WWOX: variants seen among roughly 807,000 people sequenced by gnomAD.
WWOX encodes the protein WW domain-containing oxidoreductase.
Under a neutral mutation model 46.2 loss-of-function variants are expected in WWOX, and 69 were observed. The observed-to-expected ratio is 1.49, with a 90% CI of 1.23 to 1.82. The LOEUF (loss-of-function observed/expected upper bound fraction) is 1.82, where lower values mean the gene tolerates loss of function less well. Among genes scored for constraint, WWOX ranks in the 40% most tolerant of loss-of-function variants. WWOX has a pLI of 0.00. For synonymous variants in WWOX, 359 were observed against 202.6 expected (o/e 1.77, Z -6.56); for missense variants, 919 against 542.6 (o/e 1.69, Z -6.89).
intron 8 of WWOX, among the ~76,000 whole-genome samples, chr16:78,912,028 C>T (rs759135531): frequency 1.3e-5 from 2 of 152,038 alleles, no homozygotes; most frequent in African/African-American, 4.8e-5. Context: ...GTATATTGGC[C>T]TCCAGGGCAA....
At chr16:78,990,303 G>A (rs934864209) in intron 8 of WWOX, among the ~76,000 whole-genome samples, 3 of 152,044 alleles carry the variant, frequency 2.0e-5, no homozygotes, top group African/African-American at 4.8e-5. Flanking sequence ...GCCTGACTGT[G>A]CATTGGTTCT....
chr16:78,156,177 G>C (rs573776933), intron 4 of WWOX, among the ~76,000 whole-genome samples: 1 of 152,224 alleles, frequency 6.6e-6, no homozygotes, highest in Non-Finnish European at 1.5e-5. Context: ...TTCTCTAAAG[G>C]AGAGAGGGTG....
intron 5 of WWOX, among the ~76,000 whole-genome samples, chr16:78,218,975 G>A (rs747736882): frequency 2.0e-5 from 3 of 152,244 alleles, no homozygotes; most frequent in Non-Finnish European, 4.4e-5. Context: ...TTAAATTGGT[G>A]AAATGTCACT....
At chr16:78,975,496 C>A (rs1046226240) in intron 8 of WWOX, among the ~76,000 whole-genome samples, 1 of 151,746 alleles carries the variant, frequency 6.6e-6, no homozygotes, top group East Asian at 1.9e-4. Context: ...CCCCCAGGAG[C>A]CTTTTGAGAT....
Position 79,211,992 on chromosome 16 carries a change from T to G in WWOX, c.*196T>G. 1 of 1,535,116 alleles carries G rather than the reference T, an allele frequency of 6.5e-7. No homozygotes were observed. ...AATTCCTGGGGTAAAGTATCACTTT[T>G]CTGGGGCTGGGCTAGGCATAGGTCT... On this transcript the variant is annotated 3_prime_UTR_variant, in exon 9 of 9. Transcript: ENST00000566780.
chr16:78,152,181 C>G (rs1424380029), intron 4 of WWOX, among the ~76,000 whole-genome samples: 4 of 142,200 alleles, frequency 2.8e-5, no homozygotes, highest in Non-Finnish European at 4.6e-5. Context: ...CAGAGCGAGA[C>G]TCCGTCTCAA....
chr16:78,230,463 A>G (rs374620162), intron 5 of WWOX, among the ~76,000 whole-genome samples: 93 of 152,228 alleles, frequency 6.1e-4, no homozygotes, highest in African/African-American at 2.2e-3. Flanking sequence ...AGTAGTTTTA[A>G]GCATGGGAAA....
intron 8 of WWOX, among the ~76,000 whole-genome samples, chr16:78,743,193 G>A (rs1238031571): frequency 6.6e-6 from 1 of 152,116 alleles, no homozygotes; most frequent in African/African-American, 2.4e-5. Flanking sequence ...GCTGGCAGAG[G>A]AGGCCACTCT....
intron 8 of WWOX, among the ~76,000 whole-genome samples, chr16:78,606,245 A>G (rs932413418): frequency 2.6e-5 from 4 of 152,208 alleles, no homozygotes; most frequent in Non-Finnish European, 4.4e-5. Flanking sequence ...CTCTCTTTGT[A>G]GTCTCTTTTT....
At position 78,700,180 on chromosome 16, in the gene WWOX, AT is replaced by A. The variant is rs111468224; in HGVS notation, c.1056+267441del. ...AGAATACCGTTGACTGGGTGGCTTG[AT>A]TTTTTTTTTTTTCTCCCAGTTCTGG... On this transcript the variant is annotated intron_variant, in intron 8 of 8. Coordinates refer to ENST00000566780, the MANE Select transcript of WWOX (RefSeq NM_016373.4). Among the ~76,000 whole-genome samples the A allele has an allele frequency of 2.2e-3, 318 of 142,204 alleles. 2 individuals carry two copies. Among genetic ancestry groups the A allele is most frequent in the East Asian group, 0.018 (87 of 4,850 alleles). The allele number at this position is 142,204 out of a possible 152,430, so 93.3% of individuals were successfully genotyped here. A position where few individuals can be genotyped will look rare whatever the true frequency, so the allele number is the denominator to read the frequency against.
At chr16:78,408,186 C>G (rs1199541553) in intron 6 of WWOX, among the ~76,000 whole-genome samples, 2 of 152,150 alleles carry the variant, frequency 1.3e-5, no homozygotes, top group Non-Finnish European at 2.9e-5. Flanking sequence ...AACTTGTCTT[C>G]TTACTTGGTG....
chr16:79,030,166 G>A (rs1038527252), intron 8 of WWOX, among the ~76,000 whole-genome samples: 2 of 152,100 alleles, frequency 1.3e-5, no homozygotes, highest in Non-Finnish European at 2.9e-5. Flanking sequence ...CTAATTTTCC[G>A]TTATCATAGC....
chr16:78,714,477 T>G (rs563473804), intron 8 of WWOX, among the ~76,000 whole-genome samples: 10 of 151,726 alleles, frequency 6.6e-5, no homozygotes, highest in Non-Finnish European at 1.5e-4. Flanking sequence ...CCTCCCATGA[T>G]ACGTGGGGAT....
At chr16:78,246,497 C>T (rs1471910850) in intron 5 of WWOX, among the ~76,000 whole-genome samples, 1 of 152,184 alleles carries the variant, frequency 6.6e-6, no homozygotes, top group Non-Finnish European at 1.5e-5. Context: ...AAGCCCAAGG[C>T]ATCTTTCAGT....
intron 5 of WWOX, among the ~76,000 whole-genome samples, chr16:78,319,822 G>A (rs564317836): frequency 8.5e-5 from 13 of 152,182 alleles, no homozygotes; most frequent in Non-Finnish European, 1.3e-4. Context: ...CTTTCTTTCA[G>A]CCTGTGAGGA....
At chr16:78,447,274 C>G (rs144174054) in intron 8 of WWOX, among the ~76,000 whole-genome samples, 2,624 of 152,250 alleles carry the variant, frequency 0.017, 31 homozygotes, top group Middle Eastern at 0.034. Flanking sequence ...GTGCCAGTAA[C>G]AATGGCAATA....
At chr16:78,702,044 T>TAAAA (rs1215807051) in intron 8 of WWOX, among the ~76,000 whole-genome samples, 2 of 110,032 alleles carry the variant, frequency 1.8e-5, no homozygotes, top group East Asian at 2.4e-4. Context: ...TATATATATA[T>TAAAA]AAAATAATGC....
chr16:78,189,384 G>C (rs1416889934), intron 5 of WWOX, among the ~76,000 whole-genome samples: 1 of 152,178 alleles, frequency 6.6e-6, no homozygotes, highest in Non-Finnish European at 1.5e-5. Context: ...GTAACATGGA[G>C]ATTGTCCTTG....
intron 5 of WWOX, among the ~76,000 whole-genome samples, chr16:78,320,769 T>C (rs930959363): frequency 2.0e-5 from 3 of 152,186 alleles, no homozygotes; most frequent in African/African-American, 7.2e-5. Context: ...ATGGTATACC[T>C]TGCCTAACAG....
Sources: allele counts gnomAD v4.1 joint callset (sites outside exome capture counted in the v4.1 genomes callset), GRCh38; gene constraint gnomAD v4.1.1; transcripts MANE v1.5; gene names NCBI Gene and HGNC (gene_info 2026-07-23, HGNC 2026-07-21).